Variants in FBXO15 observed in about 807,000 individuals in gnomAD.
FBXO15 encodes the protein F-box protein 15, also known as F-box only protein 15.
In FBXO15, 30 loss-of-function variants were observed where a neutral mutation model predicts 49.5. The observed-to-expected ratio is 0.61, with a 90% CI of 0.45 to 0.82. The LOEUF is 0.82. FBXO15 is among the 40% of genes least tolerant of loss of function. The probability of loss-of-function intolerance (pLI) is 0.00; values close to 1 mark genes in which losing one functional copy is unlikely to be tolerated. For missense variants in FBXO15, 591 were observed against 631.5 expected (o/e 0.94, Z 0.69); for synonymous variants, 250 against 232.7 (o/e 1.07, Z -0.68).
chr18:74,117,996 T>C (rs866601501), intron 8 of FBXO15, among the ~76,000 whole-genome samples: 2 of 150,714 alleles, frequency 1.3e-5, no homozygotes, highest in Non-Finnish European at 2.9e-5. Flanking sequence ...TACAGAATTC[T>C]ACATACATAT....
intron 8 of FBXO15, among the ~76,000 whole-genome samples, chr18:74,115,809 A>G (rs1914208811): frequency 6.6e-6 from 1 of 152,236 alleles, no homozygotes; most frequent in African/African-American, 2.4e-5. Flanking sequence ...ATATGAATAA[A>G]GGGTTTATGT....
chr18:74,144,185 AT>A (rs1170726503), intron 1 of FBXO15, among the ~76,000 whole-genome samples: 1 of 152,238 alleles, frequency 6.6e-6, no homozygotes, highest in East Asian at 1.9e-4. Flanking sequence ...AACCTAATAC[AT>A]AAACTTATTT....
chr18:74,108,052 C>T lies in FBXO15; in HGVS notation c.1138+15316G>A, dbSNP rs147463460. On this transcript the variant is annotated intron_variant, in intron 8 of 9. Transcript: ENST00000419743. ...GATCTAACCAAAGGACTAGAGAATG[C>T]TTACCACACACACACACCTTACCAC... 4.6e-3 allele frequency among the ~76,000 whole-genome samples: 693 copies of T among 152,272 alleles called. 7 individuals carry two copies. Among genetic ancestry groups the T allele is most frequent in the Middle Eastern group, 0.031 (9 of 294 alleles).
intron 8 of FBXO15, among the ~76,000 whole-genome samples, chr18:74,115,372 G>C (rs1206051672): frequency 6.6e-6 from 1 of 152,048 alleles, no homozygotes; most frequent in East Asian, 1.9e-4. Flanking sequence ...GAGTTAAATG[G>C]GTTCTTCTGG....
At chr18:74,116,456 C>T (rs1914232699) in intron 8 of FBXO15, among the ~76,000 whole-genome samples, 1 of 152,112 alleles carries the variant, frequency 6.6e-6, no homozygotes, top group Admixed American at 6.5e-5. Context: ...TTGGAGCATC[C>T]ATAAAATCCC....
intron 8 of FBXO15, among the ~76,000 whole-genome samples, chr18:74,108,810 G>A (rs1201815490): frequency 6.6e-6 from 1 of 152,008 alleles, no homozygotes; most frequent in African/African-American, 2.4e-5. Flanking sequence ...AGAAACCAGA[G>A]GAAAAGAACA....
chr18:74,114,544 C>A (rs765028597), intron 8 of FBXO15, among the ~76,000 whole-genome samples: 10 of 152,162 alleles, frequency 6.6e-5, no homozygotes, highest in Non-Finnish European at 1.2e-4. Flanking sequence ...ACAGAAAAAC[C>A]CACAGGCACT....
chr18:74,080,932 T>C (rs866766858), intron 9 of FBXO15, among the ~76,000 whole-genome samples: 2 of 152,350 alleles, frequency 1.3e-5, no homozygotes, highest in Middle Eastern at 3.4e-3. Context: ...TCAAGGTCTA[T>C]TTTGACGTGA....
chr18:74,145,949 TTA>T (rs1485196481), intron 1 of FBXO15, among the ~76,000 whole-genome samples: 1 of 152,184 alleles, frequency 6.6e-6, no homozygotes, highest in Non-Finnish European at 1.5e-5. Flanking sequence ...CAAGTTCTAT[TTA>T]TGTTTTTATG....
intron 8 of FBXO15, among the ~76,000 whole-genome samples, chr18:74,120,248 G>C (rs560891032): frequency 6.6e-6 from 1 of 152,302 alleles, no homozygotes; most frequent in African/African-American, 2.4e-5. Context: ...TTCACTGTCA[G>C]AGTTGGAGAT....
At chr18:74,147,559 G>A (rs1256644014) in intron 1 of FBXO15, 111 bp downstream of exon 1, 1 of 1,285,480 alleles carries the variant, frequency 7.8e-7, no homozygotes, top group African/African-American at 1.6e-5. Context: ...CGTTGAAGAC[G>A]GCCACGGGCC....
intron 8 of FBXO15, among the ~76,000 whole-genome samples, chr18:74,106,175 A>G (rs963440381): frequency 3.9e-5 from 6 of 152,154 alleles, no homozygotes; most frequent in African/African-American, 1.4e-4. Context: ...TATGTTAATC[A>G]AAAGGAAGTG....
rs1439727928 is a variant in FBXO15 at position 74,074,988 on chromosome 18, T to G, written c.1264-1258A>C. ...CCTTGCAACACACCTTAGGGCCAGG[T>G]CCAGCAAAACCCCAGCCCCAGAGGA... is the stretch of plus-strand genomic sequence containing the variant. On this transcript the variant is annotated intron_variant, in intron 9 of 9. Transcript: ENST00000419743. The surrounding 1 kb of genome is among the most constrained non-coding windows in gnomAD (Gnocchi z 4.7). Among the ~76,000 whole-genome samples, 1 of 152,118 alleles carries G rather than the reference T, an allele frequency of 6.6e-6. No homozygotes were observed. The highest frequency in any genetic ancestry group is 2.4e-5 in the African/African-American group (1 of 41,418).
chr18:74,078,894 G>C (rs1401372884), intron 9 of FBXO15, among the ~76,000 whole-genome samples: 1 of 152,144 alleles, frequency 6.6e-6, no homozygotes, highest in Non-Finnish European at 1.5e-5. Context: ...ATTTTCGGTT[G>C]TATCAGCACC....
At chr18:74,099,267 T>G (rs1170686046) in intron 8 of FBXO15, 2 of 152,246 alleles carry the variant, frequency 1.3e-5, no homozygotes, top group African/African-American at 2.4e-5. Context: ...TGGGGCCCTA[T>G]GTTAAGCCTC....
chr18:74,123,198 T>C (rs1914544054), intron 8 of FBXO15, 170 bp downstream of exon 8: 2 of 652,572 alleles, frequency 3.1e-6, no homozygotes, highest in South Asian at 2.1e-5. Context: ...AGAGACTCGG[T>C]CCAGTGAGGA....
chr18:74,082,501 G>T (rs944157219), intron 8 of FBXO15, among the ~76,000 whole-genome samples: 2 of 152,242 alleles, frequency 1.3e-5, no homozygotes, highest in African/African-American at 4.8e-5. Context: ...AAACTCACAT[G>T]AAATAAACCA....
intron 7 of FBXO15, 22 bp from the exon 8 acceptor site, chr18:74,123,532 A>T: frequency 6.3e-7 from 1 of 1,579,296 alleles, no homozygotes; most frequent in Non-Finnish European, 8.6e-7. Context: ...AACAAAAGAA[A>T]CATACAAATT....
intron 8 of FBXO15, among the ~76,000 whole-genome samples, chr18:74,094,712 T>A (rs906360816): frequency 6.6e-6 from 1 of 152,168 alleles, no homozygotes; most frequent in Admixed American, 6.5e-5. Context: ...ATCCCTAGGA[T>A]TTCAGAATGG....
Sources: gnomAD v4.1 joint callset for allele counts (sites outside exome capture counted in the v4.1 genomes callset) on GRCh38, gnomAD v4.1.1 for gene constraint, Gnocchi (gnomAD v3.1) non-coding constraint, MANE v1.5 for transcripts, NCBI Gene and HGNC (gene_info 2026-07-23, HGNC 2026-07-21) for gene names.